The following SLC35F4 variants were observed in gnomAD, a reference collection of about 807,000 sequenced individuals.
SLC35F4 encodes the protein chromosome 14 open reading frame 36.
SLC35F4 carries 24 observed loss-of-function variants against 44.2 expected under a neutral mutation model. The observed-to-expected ratio is 0.54, with a 90% CI of 0.39 to 0.76. The LOEUF is 0.76. Among genes scored for constraint, SLC35F4 ranks in the 30% least tolerant of loss-of-function variants. The pLI, the probability that SLC35F4 is intolerant of heterozygous loss-of-function variation, is 0.00. For synonymous variants in SLC35F4, 238 were observed against 223.6 expected (o/e 1.06, Z -0.57); for missense variants, 562 against 586.1 (o/e 0.96, Z 0.42).
intron 1 of SLC35F4, among the ~76,000 whole-genome samples, chr14:57,799,933 G>A (rs545508437): frequency 4.1e-4 from 63 of 152,292 alleles, no homozygotes; most frequent in African/African-American, 1.4e-3. Context: ...TTTCCAGCCT[G>A]CCAGCTGTGG....
chr14:57,693,239 T>G (rs2140338763), intron 1 of SLC35F4, among the ~76,000 whole-genome samples: 2 of 152,322 alleles, frequency 1.3e-5, no homozygotes, highest in East Asian at 3.9e-4. Context: ...TAAGACAACA[T>G]TTATGTAAGG....
chr14:57,951,652 G>A (rs1890141615), intron 1 of SLC35F4, among the ~76,000 whole-genome samples: 1 of 152,188 alleles, frequency 6.6e-6, no homozygotes, highest in South Asian at 2.1e-4. Flanking sequence ...CCCTCACAGT[G>A]TAAACAAAGC....
intron 1 of SLC35F4, among the ~76,000 whole-genome samples, chr14:57,689,275 C>G (rs80155393): frequency 0.15 from 22,245 of 152,146 alleles, 1,878 homozygotes; most frequent in East Asian, 0.29. Context: ...ACCCCCAGGC[C>G]ATTCACCCTG....
intron 1 of SLC35F4, among the ~76,000 whole-genome samples, chr14:57,909,967 T>A (rs1461785080): frequency 6.6e-6 from 1 of 152,182 alleles, no homozygotes; most frequent in African/African-American, 2.4e-5. Flanking sequence ...TTTGGTGTTA[T>A]CAGTGCTTTG....
chr14:57,723,552 C>T (rs941774801), intron 1 of SLC35F4, among the ~76,000 whole-genome samples: 2 of 152,254 alleles, frequency 1.3e-5, no homozygotes, highest in Non-Finnish European at 1.5e-5. Flanking sequence ...ATTGCAGCTG[C>T]TGTACCAGAT....
chr14:57,812,718 A>AT (rs540149816), intron 1 of SLC35F4, among the ~76,000 whole-genome samples: 540 of 152,332 alleles, frequency 3.5e-3, no homozygotes, highest in Non-Finnish European at 6.2e-3. Flanking sequence ...GAAAAAAAAA[A>AT]GCATCTGTTA....
chr14:57,965,134 A>G (rs1411026671), intron 1 of SLC35F4, among the ~76,000 whole-genome samples: 2 of 152,044 alleles, frequency 1.3e-5, no homozygotes, highest in Non-Finnish European at 2.9e-5. Flanking sequence ...TTATCTCACA[A>G]TAATTCTGTA....
chr14:57,788,181 A>AT (rs2077816519), intron 1 of SLC35F4, among the ~76,000 whole-genome samples: 1 of 152,222 alleles, frequency 6.6e-6, no homozygotes, highest in Non-Finnish European at 1.5e-5. Context: ...GGGACATTAT[A>AT]TAATGGTAAA....
chr14:57,784,564 C>T (rs939550048), intron 1 of SLC35F4, among the ~76,000 whole-genome samples: 36 of 152,238 alleles, frequency 2.4e-4, no homozygotes, highest in African/African-American at 8.4e-4. Flanking sequence ...GTAGTCCCAG[C>T]TACTTGGGAG....
intron 1 of SLC35F4, among the ~76,000 whole-genome samples, chr14:57,745,855 C>T (rs1279244396): frequency 2.6e-5 from 4 of 152,132 alleles, no homozygotes; most frequent in Non-Finnish European, 4.4e-5. Context: ...CAATGATAGA[C>T]TGGATTAAGA....
At chr14:57,573,957 T>A (rs2068649163) in intron 4 of SLC35F4, among the ~76,000 whole-genome samples, 1 of 152,228 alleles carries the variant, frequency 6.6e-6, no homozygotes, top group Non-Finnish European at 1.5e-5. Flanking sequence ...CATGATGTGC[T>A]ATTTTATATT....
chr14:57,804,253 T>A lies in SLC35F4; in HGVS notation c.103+61470A>T, dbSNP rs186462707. Among the ~76,000 whole-genome samples the A allele has an allele frequency of 2.2e-4, 33 of 152,200 alleles. No individual in the cohort carries two copies. The East Asian group carries it at 4.0e-3, about 19-fold the overall frequency. On this transcript the variant is annotated intron_variant, in intron 1 of 7. Coordinates refer to ENST00000556826, the MANE Select transcript of SLC35F4 (RefSeq NM_001306087.2). ...TAAACTACCATTGACATTCTTCACATAAGTACAAAAAAACTATTTAAAAAT... is the reference window on the plus strand; with the variant it reads ...TAAACTACCATTGACATTCTTCACAAAAGTACAAAAAAACTATTTAAAAAT...
At chr14:57,632,775 A>G (rs919907541) in intron 1 of SLC35F4, among the ~76,000 whole-genome samples, 2 of 152,096 alleles carry the variant, frequency 1.3e-5, no homozygotes, top group Non-Finnish European at 2.9e-5. Flanking sequence ...GGCTCACTGC[A>G]ACGTCCAACT....
chr14:57,648,923 C>T (rs776427009), intron 1 of SLC35F4, among the ~76,000 whole-genome samples: 16 of 152,284 alleles, frequency 1.1e-4, no homozygotes, highest in African/African-American at 2.9e-4. Flanking sequence ...CTAAATCTGA[C>T]AGACCTACGA....
chr14:57,924,277 C>T (rs1889502942), intron 1 of SLC35F4, among the ~76,000 whole-genome samples: 1 of 152,110 alleles, frequency 6.6e-6, no homozygotes, highest in Non-Finnish European at 1.5e-5. Flanking sequence ...CATGGGTCTG[C>T]AGACTGTATA....
chr14:57,568,843 C>T (rs569532143), intron 6 of SLC35F4, among the ~76,000 whole-genome samples: 23 of 152,040 alleles, frequency 1.5e-4, no homozygotes, highest in Middle Eastern at 3.4e-3. Flanking sequence ...CTGAGTAGCA[C>T]GTGGAAATAG....
chr14:57,566,078 G>T (rs770120180), intron 7 of SLC35F4, among the ~76,000 whole-genome samples: 4 of 152,160 alleles, frequency 2.6e-5, no homozygotes, highest in Non-Finnish European at 5.9e-5. Context: ...GCTCCCCATG[G>T]ATTGTCTGAG....
chr14:57,834,295 A>G (rs1307505182), intron 1 of SLC35F4, among the ~76,000 whole-genome samples: 1 of 152,240 alleles, frequency 6.6e-6, no homozygotes, highest in Non-Finnish European at 1.5e-5. Context: ...ACTTCACTGA[A>G]TAACTACAGC....
chr14:57,760,377 C>A (rs564604493), intron 1 of SLC35F4, among the ~76,000 whole-genome samples: 2 of 152,188 alleles, frequency 1.3e-5, no homozygotes, highest in South Asian at 4.1e-4. Flanking sequence ...TATTTTATTC[C>A]ATTAGTCTAA....
Sources: gnomAD v4.1 joint callset for allele counts (sites outside exome capture counted in the v4.1 genomes callset) on GRCh38, gnomAD v4.1.1 for gene constraint, MANE v1.5 for transcripts, NCBI Gene and HGNC (gene_info 2026-07-23, HGNC 2026-07-21) for gene names.